Variants in RHBDD1 observed in about 807,000 individuals in gnomAD.
RHBDD1 encodes rhomboid-related protein 4.
A neutral mutation model predicts 36.3 loss-of-function variants in RHBDD1; 38 were observed. The observed-to-expected ratio is 1.05, with a 90% CI of 0.81 to 1.37. The LOEUF (loss-of-function observed/expected upper bound fraction) is 1.37, where lower values mean the gene tolerates loss of function less well. Among genes scored for constraint, RHBDD1 ranks in the 40% most tolerant of loss-of-function variants. RHBDD1 has a pLI of 0.00. For missense variants in RHBDD1, 393 were observed against 377.6 expected (o/e 1.04, Z -0.34); for synonymous variants, 151 against 136.5 (o/e 1.11, Z -0.74).
At chr2:226,843,004 A>G (rs1941839821) in intron 3 of RHBDD1, among the ~76,000 whole-genome samples, 2 of 152,030 alleles carry the variant, frequency 1.3e-5, no homozygotes. Context: ...TGTTGGCGGT[A>G]TTCCTAGGTA....
At chr2:226,874,576 C>T (rs924088718) in intron 5 of RHBDD1, among the ~76,000 whole-genome samples, 10 of 152,130 alleles carry the variant, frequency 6.6e-5, no homozygotes, top group African/African-American at 2.4e-4. Context: ...TCTCTGTGTC[C>T]AGGGTCATGT....
At chr2:226,931,429 G>T (rs879718183) in intron 8 of RHBDD1, among the ~76,000 whole-genome samples, 1 of 151,988 alleles carries the variant, frequency 6.6e-6, no homozygotes, top group Admixed American at 6.6e-5. Flanking sequence ...TTATAAGTGG[G>T]AGCTAAACTA....
intron 8 of RHBDD1, among the ~76,000 whole-genome samples, chr2:226,963,971 A>T (rs1952426593): frequency 6.6e-6 from 1 of 151,932 alleles, no homozygotes; most frequent in South Asian, 2.1e-4. Context: ...CTAATCCTTC[A>T]CCCACCTACC....
chr2:226,806,632 C>T, the RHBDD1 span, among the ~76,000 whole-genome samples: 24 of 151,864 alleles, frequency 1.6e-4, no homozygotes, highest in African/African-American at 5.1e-4. Flanking sequence ...AACATCAGTG[C>T]GCACACACAC....
intron 5 of RHBDD1, among the ~76,000 whole-genome samples, chr2:226,873,661 G>A (rs1442406770): frequency 6.6e-6 from 1 of 152,174 alleles, no homozygotes; most frequent in Non-Finnish European, 1.5e-5. Context: ...TTAAGAGATA[G>A]GAGGTTTTGT....
intron 5 of RHBDD1, among the ~76,000 whole-genome samples, chr2:226,893,512 A>G (rs1289458841): frequency 6.6e-6 from 1 of 152,210 alleles, no homozygotes; most frequent in Admixed American, 6.5e-5. Context: ...ATTGCGTATC[A>G]GTTCAATATG....
At chr2:226,860,024 T>G (rs1216731510) in intron 3 of RHBDD1, among the ~76,000 whole-genome samples, 1 of 152,138 alleles carries the variant, frequency 6.6e-6, no homozygotes, top group Non-Finnish European at 1.5e-5. Flanking sequence ...AAAAACTGTT[T>G]GGAAGAATTA....
chr2:226,812,934 T>C, the RHBDD1 span, among the ~76,000 whole-genome samples: 2 of 152,212 alleles, frequency 1.3e-5, no homozygotes, highest in African/African-American at 2.4e-5. Context: ...CCTCTACATA[T>C]ATTATTTCAT....
chr2:226,873,869 C>T (rs1574902769), intron 5 of RHBDD1, among the ~76,000 whole-genome samples: 1 of 152,080 alleles, frequency 6.6e-6, no homozygotes, highest in Admixed American at 6.6e-5. Context: ...GGTCTGTTTT[C>T]ACACTGCTAT....
chr2:226,854,611 A>AAAG (rs1943143824), intron 3 of RHBDD1, among the ~76,000 whole-genome samples: 1 of 151,744 alleles, frequency 6.6e-6, no homozygotes. Flanking sequence ...GAAAAAAAAA[A>AAAG]AAAAAAAAGG....
At chr2:226,864,270 T>C (rs1278830783) in intron 3 of RHBDD1, among the ~76,000 whole-genome samples, 3 of 152,182 alleles carry the variant, frequency 2.0e-5, no homozygotes, top group Non-Finnish European at 2.9e-5. Flanking sequence ...TAGAAATCAT[T>C]TAATACTTGC....
intron 5 of RHBDD1, among the ~76,000 whole-genome samples, chr2:226,869,482 TCATTGGGAAAA>T (rs1398980191): frequency 1.3e-5 from 2 of 152,194 alleles, no homozygotes; most frequent in Admixed American, 6.5e-5. Context: ...ATTAGAATTT[TCATTGGGAAAA>T]CACTGTAAAT....
At chr2:226,818,220 C>T in the RHBDD1 span, among the ~76,000 whole-genome samples, 3 of 137,416 alleles carry the variant, frequency 2.2e-5, no homozygotes, top group Admixed American at 8.2e-5. Flanking sequence ...AGTGCAGTGG[C>T]GCGGTCTCAG....
At chr2:226,967,436 A>T (rs1417579697) in intron 8 of RHBDD1, among the ~76,000 whole-genome samples, 1 of 152,014 alleles carries the variant, frequency 6.6e-6, no homozygotes, top group East Asian at 1.9e-4. Context: ...CACAATGTGC[A>T]GGTTTGTTAC....
At chr2:226,855,627 C>T (rs560730934) in intron 3 of RHBDD1, among the ~76,000 whole-genome samples, 1 of 152,252 alleles carries the variant, frequency 6.6e-6, no homozygotes, top group South Asian at 2.1e-4. Flanking sequence ...ATGGTTATAA[C>T]AATAAAGTGT....
At chr2:226,884,197 C>G (rs1946026222) in intron 5 of RHBDD1, among the ~76,000 whole-genome samples, 1 of 151,882 alleles carries the variant, frequency 6.6e-6, no homozygotes, top group South Asian at 2.1e-4. Flanking sequence ...TTTCCCTTTC[C>G]TCTTCTGCTT....
At chr2:226,994,054 T>C (rs1213349165) in intron 8 of RHBDD1, among the ~76,000 whole-genome samples, 1 of 152,146 alleles carries the variant, frequency 6.6e-6, no homozygotes. Context: ...TCCAAGGCCA[T>C]GTGTGCTGGC....
intron 8 of RHBDD1, among the ~76,000 whole-genome samples, chr2:226,968,781 T>C (rs1664335095): frequency 1.3e-5 from 2 of 152,188 alleles, no homozygotes; most frequent in Middle Eastern, 3.2e-3. Flanking sequence ...AGCCAAGGCA[T>C]GAAAGTATAA....
intron 8 of RHBDD1, among the ~76,000 whole-genome samples, chr2:226,974,903 T>A (rs1954286105): frequency 2.0e-5 from 3 of 152,186 alleles, no homozygotes; most frequent in Non-Finnish European, 4.4e-5. Flanking sequence ...GTGCTCCCAT[T>A]ACCATTTTCA....
Sources: gnomAD v4.1 joint callset for allele counts (sites outside exome capture counted in the v4.1 genomes callset) on GRCh38, gnomAD v4.1.1 for gene constraint, MANE v1.5 for transcripts, NCBI Gene and HGNC (gene_info 2026-07-23, HGNC 2026-07-21) for gene names.